Variants in PCDHGB2 observed in about 807,000 individuals in gnomAD.
PCDHGB2 encodes the protein protocadherin gamma subfamily B, 2, also known as protocadherin gamma-B2.
PCDHGB2 carries 55 observed loss-of-function variants against 59.3 expected under a neutral mutation model. The observed-to-expected ratio is 0.93, with a 90% CI of 0.75 to 1.16. PCDHGB2 has a LOEUF of 1.16. Among genes scored for constraint, PCDHGB2 ranks in the 50% most tolerant of loss-of-function variants. The probability of loss-of-function intolerance (pLI) is 0.00; values close to 1 mark genes in which losing one functional copy is unlikely to be tolerated. For missense variants in PCDHGB2, 1,228 were observed against 1,198.5 expected (o/e 1.02, Z -0.36); for synonymous variants, 516 against 512.0 (o/e 1.01, Z -0.11).
chr5:141,373,350 A>G (rs1769502656), intron 1 of PCDHGB2, among the ~76,000 whole-genome samples: 1 of 152,206 alleles, frequency 6.6e-6, no homozygotes, highest in Non-Finnish European at 1.5e-5. Context: ...AACTCTTGTA[A>G]TGGGCACTGT....
intron 1 of PCDHGB2, chr5:141,415,740 G>GTTTTTTTTTTTTTGTTT (rs2095912299): frequency 1.9e-6 from 1 of 515,998 alleles, no homozygotes; most frequent in Non-Finnish European, 2.6e-6. Context: ...GTTTATTAAG[G>GTTTTTTTTTTTTTGTTT]TTTTTTTTTT....
At position 141,476,792 on chromosome 5, in the gene PCDHGB2, G is replaced by T. The variant is rs376910320; in HGVS notation, c.2422-18015G>T. ...GGACGGAGGGACCCCAGCTCTCTCC[G>T]CCAGCCTGCCTATTCACATCAAGGT... On this transcript the variant is annotated intron_variant, in intron 1 of 3. Coordinates refer to ENST00000522605, the MANE Select transcript of PCDHGB2 (RefSeq NM_018923.3). The surrounding 1 kb of genome is among the most constrained non-coding windows in gnomAD (Gnocchi z 7.6). 4.3e-6 allele frequency: 7 copies of T among 1,612,720 alleles called. No individual in the cohort carries two copies. Among genetic ancestry groups the T allele is most frequent in the Non-Finnish European group, 5.1e-6 (6 of 1,179,958 alleles).
intron 1 of PCDHGB2, chr5:141,441,917 A>G (rs979307331): frequency 3.1e-5 from 11 of 352,364 alleles, no homozygotes; most frequent in African/African-American, 2.0e-4. Context: ...GATGTGAGAC[A>G]CAATGCGTGG....
At chr5:141,430,633 C>T in intron 1 of PCDHGB2, 1 of 868,018 alleles carries the variant, frequency 1.2e-6, no homozygotes, top group Non-Finnish European at 1.7e-6. Context: ...ATGAACCATC[C>T]CTGGGAGTAT....
At chr5:141,371,214 A>G in intron 1 of PCDHGB2, 1 of 1,614,052 alleles carries the variant, frequency 6.2e-7, no homozygotes, top group Non-Finnish European at 8.5e-7. Context: ...TGAGGGCATC[A>G]ATGCCGAAAT....
intron 1 of PCDHGB2, among the ~76,000 whole-genome samples, chr5:141,368,592 A>G (rs1277512291): frequency 6.6e-6 from 1 of 152,198 alleles, no homozygotes; most frequent in Non-Finnish European, 1.5e-5. Context: ...TGTTTGGGAA[A>G]AAAGTAAAGG....
rs376890554 is a variant in PCDHGB2 at position 141,408,250 on chromosome 5, G to A, written c.2421+45694G>A. 3.6e-4 allele frequency: 569 copies of A among 1,595,986 alleles called. 5 individuals are homozygous for A. The highest frequency in any genetic ancestry group is 1.7e-3 in the South Asian group (151 of 89,354). On this transcript the variant is annotated intron_variant, in intron 1 of 3. Coordinates refer to ENST00000522605, the MANE Select transcript of PCDHGB2 (RefSeq NM_018923.3). ...GGCGCCGGGCCGGCCCGCGGCAGGT[G>A]CTATTTCCTTTGCTGCTGCCTTTGT... is the stretch of plus-strand genomic sequence containing the variant.
chr5:141,426,794 G>C (rs1319220934), intron 1 of PCDHGB2: 1 of 456,708 alleles, frequency 2.2e-6, no homozygotes, highest in East Asian at 6.9e-5. Flanking sequence ...AGAGTTACCA[G>C]CTCAGTTCTA....
intron 1 of PCDHGB2, among the ~76,000 whole-genome samples, chr5:141,473,942 GC>G (rs1443545533): frequency 1.3e-5 from 2 of 152,124 alleles, no homozygotes; most frequent in African/African-American, 4.8e-5. Context: ...AGTAGCTCAG[GC>G]CTGTAGTCCC....
intron 1 of PCDHGB2, chr5:141,439,852 G>A (rs182049678): frequency 1.3e-5 from 2 of 152,474 alleles, no homozygotes; most frequent in African/African-American, 4.8e-5. Context: ...CTGTGGAAAA[G>A]GTGGGGAATG....
intron 1 of PCDHGB2, chr5:141,430,848 A>G (rs780445178): frequency 1.3e-6 from 2 of 1,581,028 alleles, no homozygotes; most frequent in Admixed American, 1.8e-5. Flanking sequence ...GGATGCACCC[A>G]GATACGCTAT....
At chr5:141,488,359 T>A (rs1262194591) in intron 1 of PCDHGB2, among the ~76,000 whole-genome samples, 1 of 152,198 alleles carries the variant, frequency 6.6e-6, no homozygotes, top group Non-Finnish European at 1.5e-5. Context: ...ACCCTGTGCA[T>A]CTTTAAGTTG....
rs1316631653 is a variant in PCDHGB2 at position 141,388,751 on chromosome 5, A to G, written c.2421+26195A>G. The G allele has an allele frequency of 4.3e-6, 7 of 1,613,980 alleles. No homozygotes were observed. In the Admixed American group the frequency reaches 5.0e-5, roughly 12 times the overall value. ...TCAGTGAAGCTAGCCAGATCACCCAATTTGACCTGAACTCTAACACCGGGG... is the reference window on the plus strand; with the variant it reads ...TCAGTGAAGCTAGCCAGATCACCCAGTTTGACCTGAACTCTAACACCGGGG... On this transcript the variant is annotated intron_variant, in intron 1 of 3. Coordinates refer to ENST00000522605, the MANE Select transcript of PCDHGB2 (RefSeq NM_018923.3).
chr5:141,431,333 C>G lies in PCDHGB2; in HGVS notation c.2422-63474C>G. 1.2e-6 allele frequency: 2 copies of G among 1,614,058 alleles called. No individual in the cohort carries two copies. The highest frequency in any genetic ancestry group is 2.2e-5 in the South Asian group (2 of 91,088). Reference sequence around the variant, plus strand: ...AAATGGAGCCGACGGTAGTAAGTACCCCGAATTGGTGCTGAAACGCGCCCT... The same window carrying G: ...AAATGGAGCCGACGGTAGTAAGTACGCCGAATTGGTGCTGAAACGCGCCCT... On this transcript the variant is annotated intron_variant, in intron 1 of 3. Coordinates refer to ENST00000522605, the MANE Select transcript of PCDHGB2 (RefSeq NM_018923.3). The surrounding 1 kb of genome is among the most constrained non-coding windows in gnomAD (Gnocchi z 4.8).
intron 1 of PCDHGB2, chr5:141,384,388 CA>C (rs1780036142): frequency 2.5e-6 from 4 of 1,613,934 alleles, no homozygotes; most frequent in Non-Finnish European, 3.4e-6. Flanking sequence ...AGACACCATC[CA>C]GGGGGCTCCA....
intron 1 of PCDHGB2, chr5:141,393,958 T>C: frequency 6.2e-7 from 1 of 1,613,966 alleles, no homozygotes; most frequent in East Asian, 2.2e-5. Flanking sequence ...AATGGTCAAG[T>C]TGTCTGTTAC....
chr5:141,466,206 T>C (rs2099118813), intron 1 of PCDHGB2, among the ~76,000 whole-genome samples: 1 of 152,126 alleles, frequency 6.6e-6, no homozygotes, highest in Admixed American at 6.5e-5. Flanking sequence ...AGCCTTGCTC[T>C]GTTACCCAGG....
chr5:141,377,109 G>A (rs1437857373), intron 1 of PCDHGB2: 2 of 152,368 alleles, frequency 1.3e-5, no homozygotes, highest in Admixed American at 1.3e-4. Flanking sequence ...TCAAAAGAAT[G>A]TTCTGAAGTC....
rs2099615817 is a variant in PCDHGB2 at position 141,485,564 on chromosome 5, C to G, written c.2422-9243C>G. On this transcript the variant is annotated intron_variant, in intron 1 of 3. Coordinates refer to ENST00000522605, the MANE Select transcript of PCDHGB2 (RefSeq NM_018923.3). This position sits in a 1 kb window ranked among gnomAD's most constrained non-coding sequence, Gnocchi z 5.7. ...GATCGTAGATGTGAATGATCACGCCCCCCGTTTTCCGCGGCAGCAGCTGGA... is the reference window on the plus strand; with the variant it reads ...GATCGTAGATGTGAATGATCACGCCGCCCGTTTTCCGCGGCAGCAGCTGGA... 6.2e-7 allele frequency: 1 copy of G among 1,612,958 alleles called. No individual in the cohort carries two copies. The highest frequency in any genetic ancestry group is 8.5e-7 in the Non-Finnish European group (1 of 1,179,052).
Sources: gnomAD v4.1 joint callset for allele counts (sites outside exome capture counted in the v4.1 genomes callset) on GRCh38, gnomAD v4.1.1 for gene constraint, Gnocchi (gnomAD v3.1) non-coding constraint, MANE v1.5 for transcripts, NCBI Gene and HGNC (gene_info 2026-07-23, HGNC 2026-07-21) for gene names.